Variants in CWC27 observed in about 807,000 individuals in gnomAD.
CWC27 encodes the protein CWC27 spliceosome associated cyclophilin, also known as spliceosome-associated protein CWC27 homolog.
Under a neutral mutation model 63.6 loss-of-function variants are expected in CWC27, and 47 were observed. The observed-to-expected ratio is 0.74, with a 90% CI of 0.58 to 0.94. The LOEUF (loss-of-function observed/expected upper bound fraction) is 0.94. Ranked by LOEUF, CWC27 falls within the 40% of genes least tolerant of loss-of-function variation. The pLI is 0.00. For missense variants in CWC27, 495 were observed against 554.3 expected, an observed-to-expected ratio of 0.89 and a Z score of 1.07; for synonymous variants, 175 against 179.8, an observed-to-expected ratio of 0.97 and a Z score of 0.22.
At chr5:64,870,324 ATT>A (rs1350472084) in intron 10 of CWC27, among the ~76,000 whole-genome samples, 1 of 152,072 alleles carries the variant, frequency 6.6e-6, no homozygotes, top group Admixed American at 6.6e-5. Flanking sequence ...CTGTGGTAAA[ATT>A]TATTCTGCAA....
At chr5:64,854,099 A>C (rs1017078114) in intron 10 of CWC27, among the ~76,000 whole-genome samples, 1 of 152,214 alleles carries the variant, frequency 6.6e-6, no homozygotes, top group African/African-American at 2.4e-5. Context: ...TACTTAGCGT[A>C]ATCTTCTCAA....
intron 13 of CWC27, among the ~76,000 whole-genome samples, chr5:64,999,536 T>C (rs10471645): frequency 0.88 from 133,245 of 152,068 alleles, 58,563 homozygotes; most frequent in African/African-American, 0.95. Flanking sequence ...TACTGTATAC[T>C]TCCATGAGAT....
intron 10 of CWC27, among the ~76,000 whole-genome samples, chr5:64,871,082 A>G (rs961233122): frequency 2.0e-5 from 3 of 152,094 alleles, no homozygotes; most frequent in Admixed American, 1.3e-4. Flanking sequence ...AAAAAATCCC[A>G]TGATATTATA....
intron 10 of CWC27, among the ~76,000 whole-genome samples, chr5:64,826,326 T>A (rs939355718): frequency 2.0e-5 from 3 of 152,246 alleles, no homozygotes; most frequent in Non-Finnish European, 4.4e-5. Flanking sequence ...GTTACTGATG[T>A]CTACATTAAT....
At chr5:64,791,609 C>T (rs912609000) in intron 7 of CWC27, among the ~76,000 whole-genome samples, 5 of 152,078 alleles carry the variant, frequency 3.3e-5, no homozygotes, top group Non-Finnish European at 5.9e-5. Context: ...ATAGTTTTCT[C>T]ATCTGGCTCT....
At chr5:64,946,100 A>C (rs1426815621) in intron 11 of CWC27, among the ~76,000 whole-genome samples, 2 of 152,154 alleles carry the variant, frequency 1.3e-5, no homozygotes, top group African/African-American at 4.8e-5. Flanking sequence ...TCCTCCAGCA[A>C]CTGTTTAAGC....
intron 11 of CWC27, among the ~76,000 whole-genome samples, chr5:64,890,065 A>G (rs1335805255): frequency 2.0e-5 from 3 of 152,162 alleles, no homozygotes; most frequent in Admixed American, 1.3e-4. Context: ...CATAGAGATG[A>G]CAGGTTTGGA....
intron 11 of CWC27, among the ~76,000 whole-genome samples, chr5:64,886,038 G>C (rs1747066657): frequency 6.6e-6 from 1 of 152,056 alleles, no homozygotes; most frequent in African/African-American, 2.4e-5. Flanking sequence ...GGTTTGAATA[G>C]TATTAAATAC....
At chr5:64,933,555 C>A (rs188019164) in intron 11 of CWC27, among the ~76,000 whole-genome samples, 11 of 149,412 alleles carry the variant, frequency 7.4e-5, no homozygotes, top group African/African-American at 2.7e-4. Flanking sequence ...TACAGTGGCG[C>A]GATCTCGGCT....
At chr5:64,795,172 C>T (rs139685554) in intron 7 of CWC27, among the ~76,000 whole-genome samples, 9 of 152,148 alleles carry the variant, frequency 5.9e-5, no homozygotes, top group East Asian at 5.8e-4. Context: ...AGTTGGGAGG[C>T]GGCCATGGCA....
intron 11 of CWC27, among the ~76,000 whole-genome samples, chr5:64,902,419 C>G (rs1323232213): frequency 6.6e-6 from 1 of 152,144 alleles, no homozygotes; most frequent in Non-Finnish European, 1.5e-5. Context: ...AAGTATGGAT[C>G]GAAGTACACA....
chr5:65,004,606 T>A (rs1749794468), intron 13 of CWC27, among the ~76,000 whole-genome samples: 1 of 151,158 alleles, frequency 6.6e-6, no homozygotes, highest in Non-Finnish European at 1.5e-5. Flanking sequence ...GTTTTCTGAT[T>A]TCTTTGTATT....
chr5:64,833,167 AC>A (rs939528604), intron 10 of CWC27, among the ~76,000 whole-genome samples: 1 of 151,498 alleles, frequency 6.6e-6, no homozygotes, highest in Admixed American at 6.6e-5. Flanking sequence ...ATACACACAT[AC>A]CCCCCCACAC....
At chr5:64,808,709 A>G (rs1744773697) in intron 10 of CWC27, 1 of 152,178 alleles carries the variant, frequency 6.6e-6, no homozygotes, top group Non-Finnish European at 1.5e-5. Context: ...TATCTTAAGC[A>G]TATAGTAACT....
intron 10 of CWC27, among the ~76,000 whole-genome samples, chr5:64,832,328 A>G (rs1745546831): frequency 6.6e-6 from 1 of 151,766 alleles, no homozygotes; most frequent in Non-Finnish European, 1.5e-5. Flanking sequence ...TGTTTCGGTA[A>G]TTCCAAGGTA....
intron 11 of CWC27, among the ~76,000 whole-genome samples, chr5:64,911,853 T>C (rs1416918728): frequency 6.6e-6 from 1 of 151,888 alleles, no homozygotes; most frequent in Non-Finnish European, 1.5e-5. Flanking sequence ...GGTGGGCGGA[T>C]CACAAGGTCA....
At chr5:64,970,645 A>G (rs533532515) in intron 11 of CWC27, among the ~76,000 whole-genome samples, 2 of 152,144 alleles carry the variant, frequency 1.3e-5, no homozygotes, top group South Asian at 4.1e-4. Context: ...ATTTTTCCTT[A>G]ATGTGCTCAG....
At chr5:64,956,493 T>G (rs1748804821) in intron 11 of CWC27, among the ~76,000 whole-genome samples, 1 of 152,110 alleles carries the variant, frequency 6.6e-6, no homozygotes, top group South Asian at 2.1e-4. Flanking sequence ...TTGCCAAATC[T>G]TATTTCTCCT....
chr5:64,964,998 T>G (rs1748987871), intron 11 of CWC27, among the ~76,000 whole-genome samples: 1 of 152,090 alleles, frequency 6.6e-6, no homozygotes, highest in Non-Finnish European at 1.5e-5. Flanking sequence ...AAACAACTCC[T>G]GAATCACTTG....
Sources: gnomAD v4.1 joint callset for allele counts (sites outside exome capture counted in the v4.1 genomes callset) on GRCh38, gnomAD v4.1.1 for gene constraint, MANE v1.5 for transcripts, NCBI Gene and HGNC (gene_info 2026-07-23, HGNC 2026-07-21) for gene names.